The following TTC29 variants were observed in gnomAD, a reference collection of about 807,000 sequenced individuals.
TTC29 encodes the protein tetratricopeptide repeat domain 29, also known as tetratricopeptide repeat protein 29.
A neutral mutation model predicts 58.1 loss-of-function variants in TTC29; 49 were observed. That is an observed-to-expected ratio of 0.84 (90% CI 0.67 to 1.07). TTC29 has a LOEUF of 1.07. TTC29 is among the 50% of genes least tolerant of loss of function. The pLI, the probability that TTC29 is intolerant of heterozygous loss-of-function variation, is 0.00. For missense variants in TTC29, 582 were observed against 555.6 expected, an observed-to-expected ratio of 1.05 and a Z score of -0.48; for synonymous variants, 209 against 196.8, an observed-to-expected ratio of 1.06 and a Z score of -0.52.
intron 7 of TTC29, among the ~76,000 whole-genome samples, chr4:146,874,156 A>T (rs927743367): frequency 7.2e-5 from 11 of 152,222 alleles, no homozygotes; most frequent in African/African-American, 2.6e-4. Context: ...GTATCTTGCT[A>T]ACCTGAGGAT....
At chr4:146,839,773 A>G (rs1244936400) in intron 8 of TTC29, among the ~76,000 whole-genome samples, 1 of 151,878 alleles carries the variant, frequency 6.6e-6, no homozygotes, top group East Asian at 1.9e-4. Context: ...TCCTTGGGAA[A>G]AATTCCGCAA....
intron 11 of TTC29, among the ~76,000 whole-genome samples, chr4:146,714,207 A>G (rs1214352470): frequency 6.6e-6 from 1 of 152,226 alleles, no homozygotes; most frequent in East Asian, 1.9e-4. Context: ...GTGGAGAAAA[A>G]GCAATCAAAA....
chr4:146,885,695 G>C (rs906133355), intron 6 of TTC29, among the ~76,000 whole-genome samples: 1 of 151,934 alleles, frequency 6.6e-6, no homozygotes, highest in Non-Finnish European at 1.5e-5. Flanking sequence ...CTAGGTTGGC[G>C]CAAAAGTAAT....
intron 6 of TTC29, among the ~76,000 whole-genome samples, chr4:146,893,850 C>T (rs1051278401): frequency 6.6e-6 from 1 of 151,882 alleles, no homozygotes; most frequent in African/African-American, 2.4e-5. Context: ...AAAAACAACC[C>T]CATCAAAAAG....
intron 11 of TTC29, among the ~76,000 whole-genome samples, chr4:146,738,189 A>G (rs1744863848): frequency 6.6e-6 from 1 of 152,200 alleles, no homozygotes. Flanking sequence ...TAAAAATGAA[A>G]AAGTAGGGGT....
intron 6 of TTC29, among the ~76,000 whole-genome samples, chr4:146,903,249 C>G (rs553188465): frequency 6.6e-6 from 1 of 152,000 alleles, no homozygotes; most frequent in African/African-American, 2.4e-5. Context: ...TTCTTTTCAT[C>G]CTGTGTGTAG....
chr4:146,793,758 A>T (rs1749639645), intron 11 of TTC29, among the ~76,000 whole-genome samples: 1 of 152,170 alleles, frequency 6.6e-6, no homozygotes, highest in Non-Finnish European at 1.5e-5. Context: ...ATTTGTACTG[A>T]GAACTCTATC....
chr4:146,710,739 G>A (rs983500131), intron 11 of TTC29, among the ~76,000 whole-genome samples: 4 of 152,034 alleles, frequency 2.6e-5, no homozygotes, highest in Non-Finnish European at 5.9e-5. Flanking sequence ...TTGCTTATAC[G>A]ATCTACATTT....
At chr4:146,815,998 T>C (rs1223158089) in intron 10 of TTC29, among the ~76,000 whole-genome samples, 1 of 152,210 alleles carries the variant, frequency 6.6e-6, no homozygotes, top group Non-Finnish European at 1.5e-5. Context: ...TTTCTTAATG[T>C]TTTTGCCAAG....
rs950104045 is a variant in TTC29 at position 146,939,823 on chromosome 4, A to C, written c.73T>G (p.Ser25Ala). The C allele has an allele frequency of 7.4e-6, 12 of 1,612,666 alleles. No homozygotes were observed. Among genetic ancestry groups the C allele is most frequent in the Non-Finnish European group, 1.0e-5 (12 of 1,179,532 alleles). ...TALARQKLPC[S>A]SRKIPRSQLI... ...ACGTACCTTGGAATTTTTCTGGAGGAGCAAGGCAGCTTCTGTCTGGCTAAG... is the reference window on the plus strand; with the variant it reads ...ACGTACCTTGGAATTTTTCTGGAGGCGCAAGGCAGCTTCTGTCTGGCTAAG... Residue 25 changes from serine (S) to alanine (A), a missense_variant, in exon 3 of 13, where the codon TCC (serine) becomes GCC (alanine). Ser to Ala is a moderately conservative substitution (Grantham distance 99). Coordinates refer to ENST00000325106, the MANE Select transcript of TTC29 (RefSeq NM_031956.4).
chr4:146,909,305 G>A (rs1021276361), intron 4 of TTC29, 56 bp from the exon 5 acceptor site: 24 of 1,317,658 alleles, frequency 1.8e-5, no homozygotes, highest in Middle Eastern at 1.9e-4. Context: ...CAGTCTGCAC[G>A]GTATTTTCAT....
intron 11 of TTC29, among the ~76,000 whole-genome samples, chr4:146,719,405 T>C (rs1743193147): frequency 6.6e-6 from 1 of 152,142 alleles, no homozygotes; most frequent in African/African-American, 2.4e-5. Flanking sequence ...TCATTGGAGA[T>C]TCAAATCCAG....
intron 8 of TTC29, among the ~76,000 whole-genome samples, chr4:146,863,356 A>G (rs139902447): frequency 6.8e-4 from 103 of 152,066 alleles, no homozygotes; most frequent in African/African-American, 2.3e-3. Flanking sequence ...CTCCTCCTTC[A>G]TCCAATTTGG....
At chr4:146,943,346 C>A (rs578235104) in intron 2 of TTC29, among the ~76,000 whole-genome samples, 4 of 151,738 alleles carry the variant, frequency 2.6e-5, no homozygotes, top group African/African-American at 9.7e-5. Context: ...TGCTGGCAAG[C>A]CTCAAGGCAC....
chr4:146,886,735 G>T (rs531288340), intron 6 of TTC29, among the ~76,000 whole-genome samples: 20 of 152,102 alleles, frequency 1.3e-4, no homozygotes, highest in Admixed American at 3.3e-4. Context: ...AACTCAGAAG[G>T]TTGACTTTGT....
At chr4:146,898,341 T>C (rs1341045045) in intron 6 of TTC29, among the ~76,000 whole-genome samples, 2 of 152,204 alleles carry the variant, frequency 1.3e-5, no homozygotes, top group Non-Finnish European at 2.9e-5. Context: ...TTCACAATAC[T>C]GTGCTGCTCC....
intron 4 of TTC29, among the ~76,000 whole-genome samples, chr4:146,932,883 C>A (rs543173897): frequency 6.6e-6 from 1 of 151,726 alleles, no homozygotes; most frequent in Non-Finnish European, 1.5e-5. Flanking sequence ...GGTGAAACCC[C>A]GTCTCTACTA....
chr4:146,876,934 C>CAAAAAAAAA (rs776037799), intron 6 of TTC29, among the ~76,000 whole-genome samples: 2 of 59,190 alleles, frequency 3.4e-5, no homozygotes, highest in Non-Finnish European at 6.3e-5. Flanking sequence ...GACTCCATCT[C>CAAAAAAAAA]AAAAAAAAAA....
intron 9 of TTC29, among the ~76,000 whole-genome samples, chr4:146,824,457 T>C (rs1727624930): frequency 1.3e-5 from 2 of 152,196 alleles, no homozygotes; most frequent in Non-Finnish European, 2.9e-5. Context: ...GAAGCTGACT[T>C]GATCATGGTG....
Sources: gnomAD v4.1 joint callset for allele counts (sites outside exome capture counted in the v4.1 genomes callset) on GRCh38, gnomAD v4.1.1 for gene constraint, MANE v1.5 for transcripts, NCBI Gene and HGNC (gene_info 2026-07-23, HGNC 2026-07-21) for gene names.